Variants in DIP2C observed in about 807,000 individuals in gnomAD.
DIP2C encodes the protein DIP2 acetate--CoA ligase C (putative).
Under a neutral mutation model 192.4 loss-of-function variants are expected in DIP2C, and 33 were observed. The ratio of observed to expected loss-of-function variants is 0.17; its 90% CI spans 0.13 to 0.23. The LOEUF (loss-of-function observed/expected upper bound fraction) is 0.23, where lower values mean the gene tolerates loss of function less well. Among genes scored for constraint, DIP2C ranks in the 10% least tolerant of loss-of-function variants. The probability of loss-of-function intolerance (pLI) is 1.00; values close to 1 mark genes in which losing one functional copy is unlikely to be tolerated. For missense variants in DIP2C, 1,537 were observed against 2,110.1 expected, an observed-to-expected ratio of 0.73 and a Z score of 5.32; for synonymous variants, 979 against 864.1, an observed-to-expected ratio of 1.13 and a Z score of -2.33.
rs35830495 is a variant in DIP2C, at chr10:305,972, AATAT to A, written c.3986+4055_3986+4058del. ...AAAACCGCATCTTCAAATGCAGACA[AATAT>A]ATATATATATATATATATTATATTT... On this transcript the variant is annotated intron_variant, in intron 32 of 36. Coordinates refer to ENST00000280886, the MANE Select transcript of DIP2C (RefSeq NM_014974.3). 3.4e-3 allele frequency among the ~76,000 whole-genome samples: 499 copies of A among 146,270 alleles called. 4 individuals are homozygous for A. The highest frequency in any genetic ancestry group is 0.011 in the Middle Eastern group (3 of 280).
intron 1 of DIP2C, among the ~76,000 whole-genome samples, chr10:581,051 C>A (rs1404969585): frequency 2.6e-5 from 4 of 152,166 alleles, no homozygotes; most frequent in African/African-American, 9.7e-5. Context: ...AGACCAATGT[C>A]CCAGGGTGAG....
chr10:387,940 G>T, intron 13 of DIP2C, 131 bp from the exon 14 acceptor site: 4 of 1,086,528 alleles, frequency 3.7e-6, no homozygotes, highest in South Asian at 2.7e-5. Context: ...CCGTATCTTG[G>T]TGGAAATTCT....
At chr10:411,821 G>A (rs1005887973) in intron 8 of DIP2C, among the ~76,000 whole-genome samples, 64 of 152,214 alleles carry the variant, frequency 4.2e-4, no homozygotes, top group Non-Finnish European at 1.6e-4. Context: ...CTACGTTAGC[G>A]TTTCTACGCA....
chr10:519,959 C>A (rs1332690532), intron 1 of DIP2C, among the ~76,000 whole-genome samples: 1 of 152,214 alleles, frequency 6.6e-6, no homozygotes, highest in Non-Finnish European at 1.5e-5. Context: ...GAACCCTTCT[C>A]CGTCTTGGAG....
intron 1 of DIP2C, among the ~76,000 whole-genome samples, chr10:640,806 C>A (rs1855152175): frequency 6.6e-6 from 1 of 151,798 alleles, no homozygotes; most frequent in African/African-American, 2.4e-5. Flanking sequence ...CTCCGAGAAC[C>A]TGGGGGCAGC....
chr10:672,134 C>T (rs1352392523), intron 1 of DIP2C, among the ~76,000 whole-genome samples: 3 of 151,142 alleles, frequency 2.0e-5, no homozygotes, highest in Non-Finnish European at 4.4e-5. Flanking sequence ...ACGTCATAGA[C>T]ACATGGACGG....
At chr10:424,019 T>C (rs1416290868) in intron 4 of DIP2C, among the ~76,000 whole-genome samples, 5 of 152,342 alleles carry the variant, frequency 3.3e-5, no homozygotes, top group Non-Finnish European at 5.9e-5. Flanking sequence ...TATTTTTCAT[T>C]TAATAACTTT....
At chr10:544,483 T>C (rs78026895) in intron 1 of DIP2C, among the ~76,000 whole-genome samples, 4,338 of 152,348 alleles carry the variant, frequency 0.028, 101 homozygotes, top group Non-Finnish European at 0.045. Context: ...ACAGTGATTT[T>C]ATGCTTAACT....
chr10:321,637 C>CG (rs1272340535), intron 31 of DIP2C, among the ~76,000 whole-genome samples: 1 of 104,694 alleles, frequency 9.6e-6, no homozygotes, highest in African/African-American at 3.8e-5. Context: ...TGCGGGGCTC[C>CG]GGCGAGAGAC....
intron 1 of DIP2C, among the ~76,000 whole-genome samples, chr10:585,561 C>A (rs139175224): frequency 3.8e-4 from 58 of 152,280 alleles, no homozygotes; most frequent in Non-Finnish European, 6.2e-4. Flanking sequence ...TCAACTGAAG[C>A]GGGGCGAGTG....
At chr10:355,725 A>G (rs2132672939) in intron 24 of DIP2C, among the ~76,000 whole-genome samples, 1 of 152,368 alleles carries the variant, frequency 6.6e-6, no homozygotes, top group Non-Finnish European at 1.5e-5. Context: ...ATTTAATTAC[A>G]AAGTGGAAAT....
chr10:457,768 C>T (rs1382204669), intron 3 of DIP2C, among the ~76,000 whole-genome samples: 2 of 152,290 alleles, frequency 1.3e-5, no homozygotes, highest in African/African-American at 2.4e-5. Flanking sequence ...GTCACCCAGG[C>T]TGGTCTCGAA....
At chr10:382,554 C>G (rs766053479) in intron 17 of DIP2C, 93 bp downstream of exon 17, 1 of 966,612 alleles carries the variant, frequency 1.0e-6, no homozygotes, top group Non-Finnish European at 1.6e-6. Context: ...CACCCTCACC[C>G]TCAGCATCAA....
chr10:297,060 C>T (rs1444478122), intron 32 of DIP2C, among the ~76,000 whole-genome samples: 1 of 151,774 alleles, frequency 6.6e-6, no homozygotes, highest in Non-Finnish European at 1.5e-5. Context: ...ATTAACTGGG[C>T]GTAGTGGCCT....
rs1212901095 is a variant in DIP2C, at chr10:366,264, C to G, written c.2268+11G>C. ...CAGATGGTGCCCATGGTAAGACTCT[C>G]CTCCACCTACCTCAAAGGTGTTCTT... is the stretch of plus-strand genomic sequence containing the variant. On this transcript the variant is annotated intron_variant, in intron 19 of 36. Coordinates refer to ENST00000280886, the MANE Select transcript of DIP2C (RefSeq NM_014974.3). The G allele has an allele frequency of 6.2e-7, 1 of 1,611,554 alleles. No individual in the cohort carries two copies. Among genetic ancestry groups the G allele is most frequent in the African/African-American group, 1.3e-5 (1 of 74,902 alleles).
chr10:304,569 ACAC>A (rs1486309992), intron 32 of DIP2C, among the ~76,000 whole-genome samples: 1 of 138,622 alleles, frequency 7.2e-6, no homozygotes, highest in Non-Finnish European at 1.7e-5. Flanking sequence ...ACACACACAC[ACAC>A]ACTTCCACAT....
At chr10:679,788 C>T (rs1465543393) in intron 1 of DIP2C, among the ~76,000 whole-genome samples, 2 of 152,126 alleles carry the variant, frequency 1.3e-5, no homozygotes, top group African/African-American at 4.8e-5. Context: ...CCCCGCACTG[C>T]GTTCCCTGCG....
chr10:577,506 C>T (rs183347740), intron 1 of DIP2C, among the ~76,000 whole-genome samples: 6 of 152,288 alleles, frequency 3.9e-5, no homozygotes, highest in South Asian at 4.2e-4. Flanking sequence ...CGCAGAGCCT[C>T]GTATTCCTAT....
At chr10:580,554 A>C (rs1850567841) in intron 1 of DIP2C, among the ~76,000 whole-genome samples, 1 of 152,126 alleles carries the variant, frequency 6.6e-6, no homozygotes, top group Non-Finnish European at 1.5e-5. Context: ...TGCCCATAGC[A>C]TGCACACATG....
Sources: gnomAD v4.1 joint callset for allele counts (sites outside exome capture counted in the v4.1 genomes callset) on GRCh38, gnomAD v4.1.1 for gene constraint, MANE v1.5 for transcripts, NCBI Gene and HGNC (gene_info 2026-07-23, HGNC 2026-07-21) for gene names.